The following ARHGAP15 variants were observed in gnomAD, a reference collection of about 807,000 sequenced individuals.
ARHGAP15 encodes rho GTPase-activating protein 15.
A neutral mutation model predicts 63.7 loss-of-function variants in ARHGAP15; 51 were observed. The observed-to-expected ratio is 0.80, with a 90% confidence interval of 0.64 to 1.01. ARHGAP15 has a LOEUF of 1.01. Among genes scored for constraint, ARHGAP15 ranks in the 50% least tolerant of loss-of-function variants. The probability of loss-of-function intolerance (pLI) is 0.00; values close to 1 mark genes in which losing one functional copy is unlikely to be tolerated. For synonymous variants in ARHGAP15, 191 were observed against 193.8 expected, an observed-to-expected ratio of 0.99 and a Z score of 0.12; for missense variants, 560 against 564.6, an observed-to-expected ratio of 0.99 and a Z score of 0.08.
chr2:143,178,065 ATGTT>A (rs1486078682), intron 2 of ARHGAP15, among the ~76,000 whole-genome samples: 2 of 152,210 alleles, frequency 1.3e-5, no homozygotes, highest in Non-Finnish European at 2.9e-5. Flanking sequence ...CCTGTGAAAA[ATGTT>A]TGAGAACCTG....
At chr2:143,303,340 C>T (rs945203788) in intron 6 of ARHGAP15, among the ~76,000 whole-genome samples, 4 of 151,902 alleles carry the variant, frequency 2.6e-5, no homozygotes, top group South Asian at 2.1e-4. Context: ...AAAAAGTGGG[C>T]GAAGGATATG....
At chr2:143,167,307 C>A (rs947205985) in intron 2 of ARHGAP15, among the ~76,000 whole-genome samples, 1 of 152,038 alleles carries the variant, frequency 6.6e-6, no homozygotes, top group South Asian at 2.1e-4. Flanking sequence ...GCCATTGTAG[C>A]CTTTAAAGTA....
At chr2:143,350,015 A>C (rs1267917461) in intron 6 of ARHGAP15, among the ~76,000 whole-genome samples, 1 of 152,144 alleles carries the variant, frequency 6.6e-6, no homozygotes, top group Admixed American at 6.5e-5. Flanking sequence ...TAAAATAAGC[A>C]CTTATTATAA....
chr2:143,297,454 T>G (rs997926966), intron 6 of ARHGAP15, among the ~76,000 whole-genome samples: 2 of 152,002 alleles, frequency 1.3e-5, no homozygotes, highest in African/African-American at 2.4e-5. Context: ...CCTTAGACCC[T>G]GTCATCCTGA....
intron 11 of ARHGAP15, among the ~76,000 whole-genome samples, chr2:143,615,280 C>A (rs1217425037): frequency 1.3e-5 from 2 of 152,112 alleles, no homozygotes; most frequent in Non-Finnish European, 2.9e-5. Flanking sequence ...CTTAATCTAC[C>A]AGTTTTGTTT....
At chr2:143,234,596 C>T (rs922959794) in intron 5 of ARHGAP15, among the ~76,000 whole-genome samples, 1 of 152,184 alleles carries the variant, frequency 6.6e-6, no homozygotes, top group African/African-American at 2.4e-5. Context: ...TTCTCAGGGA[C>T]AAGATTGTGC....
At position 143,733,228 on chromosome 2, in the gene ARHGAP15, A is replaced by G. The variant is rs571726241; in HGVS notation, c.1244+29704A>G. On this transcript the variant is annotated intron_variant, in intron 13 of 13. Coordinates refer to ENST00000295095, the MANE Select transcript of ARHGAP15 (RefSeq NM_018460.4). ...AAATCGTCATTGTGCCCTCTGCTCCATCAGCGAGCATCATTGTCTAAGACA... is the reference window on the plus strand; with the variant it reads ...AAATCGTCATTGTGCCCTCTGCTCCGTCAGCGAGCATCATTGTCTAAGACA... Among the ~76,000 whole-genome samples the G allele has an allele frequency of 2.0e-5, 3 of 152,292 alleles. No homozygotes were observed. In the East Asian group the frequency reaches 5.8e-4, roughly 29 times the overall value.
chr2:143,528,876 T>C (rs1188511262), intron 10 of ARHGAP15, among the ~76,000 whole-genome samples: 1 of 152,110 alleles, frequency 6.6e-6, no homozygotes, highest in Admixed American at 6.6e-5. Context: ...TTGGAGTCCA[T>C]GTGTTTGGCC....
chr2:143,592,682 G>C lies in ARHGAP15; in HGVS notation c.1004-31451G>C, dbSNP rs550954871. Among the ~76,000 whole-genome samples the C allele has an allele frequency of 4.6e-5, 7 of 152,296 alleles. No individual in the cohort carries two copies. In the South Asian group the frequency reaches 6.2e-4, roughly 14 times the overall value. ...TAGAGCAGCTATGCCAAGAAGAGAA[G>C]ACTTAACTCTTTAAACACAAGGGGC... is the stretch of plus-strand genomic sequence containing the variant. On this transcript the variant is annotated intron_variant, in intron 11 of 13. Transcript: ENST00000295095.
At chr2:143,407,529 C>T (rs1688250390) in intron 6 of ARHGAP15, among the ~76,000 whole-genome samples, 1 of 151,732 alleles carries the variant, frequency 6.6e-6, no homozygotes, top group South Asian at 2.1e-4. Context: ...ATGAAAACAA[C>T]AGCAACAACA....
intron 8 of ARHGAP15, among the ~76,000 whole-genome samples, chr2:143,453,384 A>G (rs1690496328): frequency 6.6e-6 from 1 of 152,016 alleles, no homozygotes; most frequent in Non-Finnish European, 1.5e-5. Flanking sequence ...AAAAATGTCA[A>G]TAATAATAGT....
chr2:143,464,968 A>G (rs1691130994), intron 8 of ARHGAP15, among the ~76,000 whole-genome samples: 1 of 152,288 alleles, frequency 6.6e-6, no homozygotes, highest in South Asian at 2.1e-4. Context: ...TAAACTTAAA[A>G]AACACCCTTC....
chr2:143,280,878 T>C (rs1374121006), intron 6 of ARHGAP15, among the ~76,000 whole-genome samples: 1 of 152,116 alleles, frequency 6.6e-6, no homozygotes, highest in Non-Finnish European at 1.5e-5. Flanking sequence ...TATAAGAAAG[T>C]ATCTATAGTT....
intron 9 of ARHGAP15, among the ~76,000 whole-genome samples, chr2:143,495,222 C>T (rs1236157880): frequency 1.3e-5 from 2 of 151,900 alleles, no homozygotes; most frequent in Non-Finnish European, 2.9e-5. Flanking sequence ...TCCTTTCTCC[C>T]TTTTCCTCTT....
chr2:143,549,455 A>G (rs564687262), intron 10 of ARHGAP15, among the ~76,000 whole-genome samples: 1 of 152,308 alleles, frequency 6.6e-6, no homozygotes, highest in East Asian at 1.9e-4. Flanking sequence ...CCCAGACACC[A>G]CAATTAGGCA....
At chr2:143,243,938 GT>G (rs894889581) in intron 5 of ARHGAP15, among the ~76,000 whole-genome samples, 17 of 151,938 alleles carry the variant, frequency 1.1e-4, no homozygotes, top group African/African-American at 3.9e-4. Flanking sequence ...TAAGAACTTT[GT>G]TTTTTTATCT....
chr2:143,507,488 G>A (rs1693372967), intron 9 of ARHGAP15, among the ~76,000 whole-genome samples: 1 of 152,230 alleles, frequency 6.6e-6, no homozygotes, highest in Admixed American at 6.5e-5. Context: ...AGAATGTTGG[G>A]TTACCCCTAT....
intron 3 of ARHGAP15, among the ~76,000 whole-genome samples, chr2:143,203,142 T>C (rs1692189642): frequency 6.6e-6 from 1 of 152,144 alleles, no homozygotes; most frequent in South Asian, 2.1e-4. Flanking sequence ...AGCTATTTCA[T>C]CCCTGTTATC....
intron 10 of ARHGAP15, among the ~76,000 whole-genome samples, chr2:143,550,892 A>C (rs1022329984): frequency 3.9e-5 from 6 of 152,346 alleles, no homozygotes; most frequent in Non-Finnish European, 8.8e-5. Context: ...ATAAAGAATA[A>C]AACTGGGAAG....
Sources: gnomAD v4.1 joint callset for allele counts (sites outside exome capture counted in the v4.1 genomes callset) on GRCh38, gnomAD v4.1.1 for gene constraint, MANE v1.5 for transcripts, NCBI Gene and HGNC (gene_info 2026-07-23, HGNC 2026-07-21) for gene names.